Variants in AGAP1 observed in about 807,000 individuals in gnomAD.
The protein encoded by AGAP1 is arf-GAP with GTPase, ANK repeat and PH domain-containing protein 1.
A neutral mutation model predicts 105.3 loss-of-function variants in AGAP1; 29 were observed. The ratio of observed to expected loss-of-function variants is 0.28; its 90% confidence interval spans 0.21 to 0.38. The LOEUF (loss-of-function observed/expected upper bound fraction) is 0.38, where lower values mean the gene tolerates loss of function less well. Ranked by LOEUF, AGAP1 falls within the 10% of genes least tolerant of loss-of-function variation. AGAP1 has a pLI of 1.00. For synonymous variants in AGAP1, 509 were observed against 485.9 expected, an observed-to-expected ratio of 1.05 and a Z score of -0.63; for missense variants, 998 against 1,165.1, an observed-to-expected ratio of 0.86 and a Z score of 2.09.
rs2052872399 is a variant in AGAP1 at position 235,934,225 on chromosome 2, G to A, written c.1483+3302G>A. Among the ~76,000 whole-genome samples the A allele has an allele frequency of 6.6e-6, 1 of 152,196 alleles. No individual in the cohort carries two copies. Among genetic ancestry groups the A allele is most frequent in the African/African-American group, 2.4e-5 (1 of 41,440 alleles). ...GGACCAGGCAACCTGTGTATAGCAA[G>A]CCCTCTGGGATCACATGGCATGCTG... On this transcript the variant is annotated intron_variant, in intron 12 of 17. Coordinates refer to ENST00000304032, the MANE Select transcript of AGAP1 (RefSeq NM_001037131.3). This position sits in a 1 kb window ranked among gnomAD's most constrained non-coding sequence, Gnocchi z 4.9.
chr2:235,631,734 A>G lies in AGAP1; in HGVS notation c.164-77445A>G, dbSNP rs778866150. Among the ~76,000 whole-genome samples, 1 of 152,216 alleles carries G rather than the reference A, an allele frequency of 6.6e-6. No homozygotes were observed. Among genetic ancestry groups the G allele is most frequent in the Non-Finnish European group, 1.5e-5 (1 of 68,044 alleles). ...TGGTCAGAAAATTCTGTGAGGTGAC[A>G]CACGGAGCCTTGGAGCTGCCTGTGG... On this transcript the variant is annotated intron_variant, in intron 1 of 17. Coordinates refer to ENST00000304032, the MANE Select transcript of AGAP1 (RefSeq NM_001037131.3). The surrounding 1 kb of genome is among the most constrained non-coding windows in gnomAD (Gnocchi z 5.4).
intron 16 of AGAP1, among the ~76,000 whole-genome samples, chr2:236,054,580 T>G (rs189058015): frequency 6.6e-6 from 1 of 152,092 alleles, no homozygotes; most frequent in African/African-American, 2.4e-5. Context: ...GGGTGGCATC[T>G]GCTCCCCACA....
chr2:235,595,941 G>A (rs921704565), intron 1 of AGAP1, among the ~76,000 whole-genome samples: 3 of 152,202 alleles, frequency 2.0e-5, no homozygotes, highest in African/African-American at 4.8e-5. Flanking sequence ...AAAGTGTTTC[G>A]TCTCAGAATG....
At chr2:235,593,714 A>G (rs559900281) in intron 1 of AGAP1, among the ~76,000 whole-genome samples, 1 of 152,318 alleles carries the variant, frequency 6.6e-6, no homozygotes, top group Non-Finnish European at 1.5e-5. Flanking sequence ...CTGTAATCCC[A>G]GCACTTTGGG....
intron 1 of AGAP1, among the ~76,000 whole-genome samples, chr2:235,672,119 G>C (rs1948468836): frequency 6.6e-6 from 1 of 152,150 alleles, no homozygotes; most frequent in Admixed American, 6.5e-5. Context: ...AAGGTAGTTG[G>C]AGAGTGGGCT....
At position 235,610,560 on chromosome 2, in the gene AGAP1, T is replaced by A. The variant is rs181344282; in HGVS notation, c.164-98619T>A. 1.3e-5 allele frequency among the ~76,000 whole-genome samples: 2 copies of A among 152,300 alleles called. No individual in the cohort carries two copies. Among genetic ancestry groups the A allele is most frequent in the East Asian group, 1.9e-4 (1 of 5,184 alleles). On this transcript the variant is annotated intron_variant, in intron 1 of 17. Coordinates refer to ENST00000304032, the MANE Select transcript of AGAP1 (RefSeq NM_001037131.3). The surrounding 1 kb of genome is among the most constrained non-coding windows in gnomAD (Gnocchi z 4.9). ...TTCCATCATGAGGGCCCCATCCTTA[T>A]GACCTTGTCCAACCCTAATTACCTT...
chr2:235,674,071 T>C (rs967386118), intron 1 of AGAP1, among the ~76,000 whole-genome samples: 2 of 152,212 alleles, frequency 1.3e-5, no homozygotes, highest in African/African-American at 4.8e-5. Context: ...GATGAAAGGA[T>C]TGGAGCACCT....
intron 4 of AGAP1, among the ~76,000 whole-genome samples, chr2:235,743,899 GC>G: frequency 6.6e-6 from 1 of 152,352 alleles, no homozygotes; most frequent in East Asian, 1.9e-4. Flanking sequence ...TGCCCTGCAG[GC>G]AGCCTCCACT....
chr2:235,699,388 AG>A (rs931799511), intron 1 of AGAP1, among the ~76,000 whole-genome samples: 2 of 128,886 alleles, frequency 1.6e-5, no homozygotes, highest in Non-Finnish European at 3.2e-5. Flanking sequence ...TCCCTTTAGC[AG>A]GGGAAATTGG....
At chr2:235,628,424 CG>C (rs2149282554) in intron 1 of AGAP1, among the ~76,000 whole-genome samples, 1 of 152,136 alleles carries the variant, frequency 6.6e-6, no homozygotes, top group South Asian at 2.1e-4. Context: ...CAGGCAGGGC[CG>C]GAAAGGGGAT....
chr2:235,605,699 A>G (rs1437377713), intron 1 of AGAP1, among the ~76,000 whole-genome samples: 1 of 152,262 alleles, frequency 6.6e-6, no homozygotes, highest in Non-Finnish European at 1.5e-5. Flanking sequence ...AGGTCTTTGA[A>G]GAGGCTGCTT....
In AGAP1 at chr2:235,874,729, A is replaced by G. The variant is rs1039123882; in HGVS notation, c.1051-8616A>G. ...ATTTCAAGAGAACCTGGACATGTGA[A>G]TGTGAAAGAGAAGGCACTCATGTAT... On this transcript the variant is annotated intron_variant, in intron 9 of 17. Transcript: ENST00000304032. The surrounding 1 kb of genome is among the most constrained non-coding windows in gnomAD (Gnocchi z 4.5). Among the ~76,000 whole-genome samples, 2 of 152,174 alleles carry G rather than the reference A, an allele frequency of 1.3e-5. No homozygotes were observed. Among genetic ancestry groups the G allele is most frequent in the Non-Finnish European group, 2.9e-5 (2 of 68,032 alleles).
Position 235,879,187 on chromosome 2 carries a change from C to A in AGAP1, c.1051-4158C>A, listed in dbSNP as rs1439444534. ...CAGGGAGCCATGGCTTCCATAACTT[C>A]GCTGCCCCTGACTTGTTCCTTTGGG... On this transcript the variant is annotated intron_variant, in intron 9 of 17. Coordinates refer to ENST00000304032, the MANE Select transcript of AGAP1 (RefSeq NM_001037131.3). This position sits in a 1 kb window ranked among gnomAD's most constrained non-coding sequence, Gnocchi z 5.0. 6.6e-6 allele frequency among the ~76,000 whole-genome samples: 1 copy of A among 152,198 alleles called. No individual in the cohort carries two copies. The highest frequency in any genetic ancestry group is 1.5e-5 in the Non-Finnish European group (1 of 68,040).
rs75747830 is a variant in AGAP1, at chr2:235,577,665, A to G, written c.163+82816A>G. ...TGGGCAGTTAACTCTGAGCATTCGG[A>G]ACATTCGCCGAGTGGAACGTGTGTG... is the stretch of plus-strand genomic sequence containing the variant. On this transcript the variant is annotated intron_variant, in intron 1 of 17. Transcript: ENST00000304032. This position sits in a 1 kb window ranked among gnomAD's most constrained non-coding sequence, Gnocchi z 4.5. Among the ~76,000 whole-genome samples the G allele has an allele frequency of 5.7e-3, 869 of 152,148 alleles. 67 individuals are homozygous for G. In the East Asian group the frequency reaches 0.14, roughly 25 times the overall value.
At chr2:235,523,006 C>T (rs879895476) in intron 1 of AGAP1, among the ~76,000 whole-genome samples, 10 of 152,190 alleles carry the variant, frequency 6.6e-5, no homozygotes, top group Admixed American at 3.3e-4. Flanking sequence ...CAACAATAGT[C>T]GTTTATGTCT....
At chr2:235,702,404 G>A (rs1950298132) in intron 1 of AGAP1, among the ~76,000 whole-genome samples, 1 of 152,208 alleles carries the variant, frequency 6.6e-6, no homozygotes, top group South Asian at 2.1e-4. Context: ...CGCTGGACAG[G>A]AGCTGCCTTC....
chr2:236,116,411 G>A (rs1383477179), intron 16 of AGAP1, among the ~76,000 whole-genome samples: 1 of 146,964 alleles, frequency 6.8e-6, no homozygotes, highest in Non-Finnish European at 1.5e-5. Flanking sequence ...GTGCAGTGAC[G>A]CAGTCTTGGC....
chr2:236,051,784 A>G lies in AGAP1; in HGVS notation c.2114+2503A>G, dbSNP rs2057906747. Among the ~76,000 whole-genome samples the G allele has an allele frequency of 1.3e-5, 2 of 152,170 alleles. No homozygotes were observed. Among genetic ancestry groups the G allele is most frequent in the East Asian group, 3.9e-4 (2 of 5,184 alleles). ...CCCAAGAGGACTAAAGGCAGCCAGCAAGGTCTGTGTCCCTTCCCGCTGGAA... is the reference window on the plus strand; with the variant it reads ...CCCAAGAGGACTAAAGGCAGCCAGCGAGGTCTGTGTCCCTTCCCGCTGGAA... On this transcript the variant is annotated intron_variant, in intron 16 of 17. Coordinates refer to ENST00000304032, the MANE Select transcript of AGAP1 (RefSeq NM_001037131.3). The surrounding 1 kb of genome is among the most constrained non-coding windows in gnomAD (Gnocchi z 5.9).
chr2:235,932,583 G>A (rs60990982), intron 12 of AGAP1, among the ~76,000 whole-genome samples: 4 of 152,150 alleles, frequency 2.6e-5, no homozygotes, highest in Admixed American at 6.5e-5. Flanking sequence ...CAGGTGACAC[G>A]GACAAGGCCT....
Sources: allele counts gnomAD v4.1 joint callset (sites outside exome capture counted in the v4.1 genomes callset), GRCh38; gene constraint gnomAD v4.1.1; non-coding constraint Gnocchi (gnomAD v3.1); transcripts MANE v1.5; gene names NCBI Gene and HGNC (gene_info 2026-07-23, HGNC 2026-07-21).